The following CCER2 variants were observed in gnomAD, a reference collection of about 807,000 sequenced individuals.
CCER2 encodes the protein coiled-coil domain-containing glutamate-rich protein 2.
CCER2 carries 20 observed loss-of-function variants against 27.1 expected under a neutral mutation model. The observed-to-expected ratio is 0.74, with a 90% confidence interval of 0.52 to 1.07. CCER2 has a LOEUF of 1.07. CCER2 is among the 50% of genes least tolerant of loss of function. CCER2 has a pLI of 0.00. For missense variants in CCER2, 351 were observed against 344.7 expected (o/e 1.02, Z -0.14); for synonymous variants, 140 against 144.3 (o/e 0.97, Z 0.21).
At position 38,909,028 on chromosome 19, in the gene CCER2, A is replaced by G; in HGVS notation, c.*208T>C. 2 of 971,310 alleles carry G rather than the reference A, an allele frequency of 2.1e-6. No individual in the cohort carries two copies. Among genetic ancestry groups the G allele is most frequent in the South Asian group, 1.7e-5 (1 of 58,712 alleles). The allele number at this position is 971,310 out of a possible 1,614,324, so 60.2% of individuals were successfully genotyped here. On this transcript the variant is annotated 3_prime_UTR_variant, in exon 5 of 5. Coordinates refer to ENST00000571838, the MANE Select transcript of CCER2 (RefSeq NM_001243212.2). Reference sequence around the variant, plus strand: ...CTCAGAAGGGTTGGAGTGGGAGTGCATAGGTGTGGGGGTGCTTCCTGTGTC... The same window carrying G: ...CTCAGAAGGGTTGGAGTGGGAGTGCGTAGGTGTGGGGGTGCTTCCTGTGTC...
At chr19:38,911,139 G>C (rs958633313) in intron 3 of CCER2, 56 bp from the exon 4 acceptor site, 7 of 1,391,358 alleles carry the variant, frequency 5.0e-6, no homozygotes, top group African/African-American at 1.4e-5. Context: ...CTGAGGCCGA[G>C]TATGGAGGCT....
chr19:38,911,901 C>T lies in CCER2; in HGVS notation c.62-49G>A, dbSNP rs1012000836. 5.2e-6 allele frequency: 8 copies of T among 1,531,860 alleles called. No homozygotes were observed. The South Asian group carries it at 7.2e-5, about 14-fold the overall frequency. The allele number at this position is 1,531,860 out of a possible 1,614,324, so 94.9% of individuals were successfully genotyped here. On this transcript the variant is annotated intron_variant, in intron 1 of 4. Transcript: ENST00000571838. ...GGGCTTTGCCGCCCTGGCTGCTGTC[C>T]CCGGTACCGACCCCAGCTCCATGGG...
At chr19:38,909,494 G>A (rs1974260742) in intron 4 of CCER2, among the ~76,000 whole-genome samples, 169 bp from the exon 5 acceptor site, 1 of 152,216 alleles carries the variant, frequency 6.6e-6, no homozygotes, top group Non-Finnish European at 1.5e-5. Context: ...CCGGAAGAGT[G>A]GTGCTGGCTA....
chr19:38,911,149 T>C, intron 3 of CCER2, 66 bp from the exon 4 acceptor site: 1 of 1,382,534 alleles, frequency 7.2e-7, no homozygotes, highest in Non-Finnish European at 9.4e-7. Flanking sequence ...GTATGGAGGC[T>C]CACGCCTGTA....
chr19:38,911,069 C>G lies in CCER2; in HGVS notation c.205G>C (p.Glu69Gln). 1 of 1,433,006 alleles carries G rather than the reference C, an allele frequency of 7.0e-7. No homozygotes were observed. The highest frequency in any genetic ancestry group is 9.1e-7 in the Non-Finnish European group (1 of 1,098,544). The allele number at this position is 1,433,006 out of a possible 1,614,324, so 88.8% of individuals were successfully genotyped here. A position where few individuals can be genotyped will look rare whatever the true frequency, so the allele number is the denominator to read the frequency against. ...TCGGTGGACGCACAGCCGTGGGGCT[C>G]TGTCCCGCACAACTCTGGCAGAAAG... is the stretch of plus-strand genomic sequence containing the variant. Reference protein sequence around the residue: ...ALLHKELCGTEPHGCASTEEK... With the variant: ...ALLHKELCGTQPHGCASTEEK... Residue 69 changes from glutamate (E) to glutamine (Q), a missense_variant, in exon 4 of 5, where the codon GAG becomes CAG. By Grantham distance (29) the Glu-to-Gln change is conservative. Transcript: ENST00000571838.
Position 38,912,098 on chromosome 19 carries a change from C to G in CCER2, c.61G>C (p.Ala21Pro). Residue 21 changes from alanine (A) to proline (P), a missense_variant and splice_region_variant, in exon 1 of 5, where the codon GCC becomes CCC. By Grantham distance (27) the Ala-to-Pro change is conservative. Coordinates refer to ENST00000571838, the MANE Select transcript of CCER2 (RefSeq NM_001243212.2). ...CGCACTCGGCAGGTCCCGCACTCAC[C>G]CGCCCCCAGCAGGAGCAGCCGCAGC... ...LLLRLLLLGA[A>P]TAAPLAPRPS... 6.6e-7 allele frequency: 1 copy of G among 1,517,890 alleles called. No homozygotes were observed. The highest frequency in any genetic ancestry group is 8.8e-7 in the Non-Finnish European group (1 of 1,139,696). The allele number at this position is 1,517,890 out of a possible 1,614,324, so 94.0% of individuals were successfully genotyped here.
At chr19:38,912,016 G>C in intron 1 of CCER2, 82 bp downstream of exon 1, 2 of 1,489,984 alleles carry the variant, frequency 1.3e-6, no homozygotes, top group Non-Finnish European at 1.8e-6. Flanking sequence ...CTCTCCACTG[G>C]GTGCACTGCC....
At chr19:38,911,215 T>C (rs1364654393) in intron 3 of CCER2, 132 bp from the exon 4 acceptor site, 2 of 990,720 alleles carry the variant, frequency 2.0e-6, no homozygotes, top group Non-Finnish European at 2.8e-6. Flanking sequence ...GGAGTTTGAA[T>C]TGGGAAACTG....
intron 4 of CCER2, among the ~76,000 whole-genome samples, chr19:38,909,544 A>G (rs779608478): frequency 6.6e-5 from 10 of 152,094 alleles, no homozygotes; most frequent in Non-Finnish European, 8.8e-5. Flanking sequence ...GCACTGGCAA[A>G]GGTGCCTGGG....
At chr19:38,911,132 A>G (rs1179841248) in intron 3 of CCER2, 49 bp from the exon 4 acceptor site, 3 of 1,393,976 alleles carry the variant, frequency 2.2e-6, no homozygotes, top group African/African-American at 2.9e-5. Flanking sequence ...TGGGAAACTG[A>G]GGCCGAGTAT....
rs369436329 is a variant in CCER2 at position 38,910,579 on chromosome 19, T to G, written c.695A>C (p.Glu232Ala). The change falls in exon 4 of 5, where the codon GAG becomes GCG. Residue 232 changes from glutamate (E) to alanine (A), a missense_variant. Physicochemically the swap from Glu to Ala is moderately radical, Grantham distance 107. Coordinates refer to ENST00000571838, the MANE Select transcript of CCER2 (RefSeq NM_001243212.2). ...CCTACTCACCTCCCTCTCCGAAGCC[T>G]CCTCCTTCTCCTGCCTGGGCTCAGC... ...PEAEPRQEKEEASEREEKEVE... is the reference protein window; with the variant it reads ...PEAEPRQEKEAASEREEKEVE... 1,272 of 1,488,614 alleles carry G rather than the reference T, an allele frequency of 8.5e-4. 6 individuals are homozygous for G. The East Asian group carries it at 0.013, about 16-fold the overall frequency. 92.2% of individuals were successfully genotyped at this position (1,488,614 alleles called of 1,614,324 possible).
rs1227595944 is a variant in CCER2 at position 38,912,089 on chromosome 19, C to T, written c.61+9G>A. On this transcript the variant is annotated intron_variant, in intron 1 of 4. Coordinates refer to ENST00000571838, the MANE Select transcript of CCER2 (RefSeq NM_001243212.2). ...GGCAGGTCCCGCACTCGGCAGGTCC[C>T]GCACTCACCCGCCCCCAGCAGGAGC... 20 of 1,521,704 alleles carry T rather than the reference C, an allele frequency of 1.3e-5. No homozygotes were observed. Among genetic ancestry groups the T allele is most frequent in the East Asian group, 7.3e-5 (3 of 40,852 alleles). 94.3% of individuals were successfully genotyped at this position (1,521,704 alleles called of 1,614,324 possible). A position where few individuals can be genotyped will look rare whatever the true frequency, so the allele number is the denominator to read the frequency against.
chr19:38,911,108 T>G, intron 3 of CCER2, 25 bp from the exon 4 acceptor site: 6 of 1,407,858 alleles, frequency 4.3e-6, no homozygotes, highest in Non-Finnish European at 5.5e-6. Context: ...AAGGACACTC[T>G]CTAAGCATCC....
Position 38,910,611 on chromosome 19 carries a change from C to CTGGTGG in CCER2, c.657_662dup (p.His219_His220dup), listed in dbSNP as rs144792695. ...TCTCCTGCCTGGGCTCAGCCTCTGG[C>CTGGTGG]TGGTGGTGGTGGTGGTGGTGGTGGG... On this transcript the variant is annotated inframe_insertion, in exon 4 of 5. Transcript: ENST00000571838. 2.6e-5 allele frequency: 40 copies of CTGGTGG among 1,518,128 alleles called. No individual in the cohort carries two copies. Among genetic ancestry groups the CTGGTGG allele is most frequent in the Non-Finnish European group, 3.1e-5 (35 of 1,136,726 alleles). 94.0% of individuals were successfully genotyped at this position (1,518,128 alleles called of 1,614,324 possible).
Position 38,911,666 on chromosome 19 carries a change from G to A in CCER2, c.103-13C>T, listed in dbSNP as rs1255173158. Reference sequence around the variant, plus strand: ...GACAGCGGGTCAGCTGGGGGGCAGGGGTGCCGGGTCAGAGGGGAGGTTGAG... The same window carrying A: ...GACAGCGGGTCAGCTGGGGGGCAGGAGTGCCGGGTCAGAGGGGAGGTTGAG... On this transcript the variant is annotated splice_polypyrimidine_tract_variant and intron_variant, in intron 2 of 4. Transcript: ENST00000571838. 2 of 1,535,478 alleles carry A rather than the reference G, an allele frequency of 1.3e-6. No homozygotes were observed. The highest frequency in any genetic ancestry group is 2.4e-5 in the East Asian group (1 of 40,920).
rs571135249 is a variant in CCER2, at chr19:38,912,099, C to T, written c.60G>A (p.Ala20=). 38 of 1,517,750 alleles carry T rather than the reference C, an allele frequency of 2.5e-5. No individual in the cohort carries two copies. In the East Asian group the frequency reaches 3.2e-4, roughly 13 times the overall value. The allele number at this position is 1,517,750 out of a possible 1,614,324, so 94.0% of individuals were successfully genotyped here. Residue 20 remains alanine (A), a splice_region_variant and synonymous_variant, in exon 1 of 5, where the codon GCG becomes GCA. Transcript: ENST00000571838. ...LLLLRLLLLG[A]ATAAPLAPRP... ...GCACTCGGCAGGTCCCGCACTCACCCGCCCCCAGCAGGAGCAGCCGCAGCA... is the reference window on the plus strand; with the variant it reads ...GCACTCGGCAGGTCCCGCACTCACCTGCCCCCAGCAGGAGCAGCCGCAGCA...
rs74890558 is a variant in CCER2, at chr19:38,910,980, C to G, written c.294G>C (p.Gln98His). ...KQEAGKMRSS[Q>H]EVRDEEEEEV... The stretch of plus-strand genomic sequence containing the variant: ...CCTCCTCTTCCTCATCCCTCACCTC[C>G]TGGCTGGACCTCATCTTCCCAGCCT... Residue 98 changes from glutamine to histidine, a missense_variant, in exon 4 of 5, where the codon CAG becomes CAC. Transcript: ENST00000571838. The G allele has an allele frequency of 1.3e-6, 2 of 1,512,932 alleles. No homozygotes were observed. The highest frequency in any genetic ancestry group is 4.9e-5 in the East Asian group (2 of 40,836). 93.7% of individuals were successfully genotyped at this position (1,512,932 alleles called of 1,614,324 possible).
In CCER2 at chr19:38,912,100, G is replaced by A. The variant is rs1016918327; in HGVS notation, c.59C>T (p.Ala20Val). 2.0e-5 allele frequency: 31 copies of A among 1,516,304 alleles called. No individual in the cohort carries two copies. The highest frequency in any genetic ancestry group is 8.3e-5 in the African/African-American group (6 of 72,182). The allele number at this position is 1,516,304 out of a possible 1,614,324, so 93.9% of individuals were successfully genotyped here. The stretch of plus-strand genomic sequence containing the variant: ...CACTCGGCAGGTCCCGCACTCACCC[G>A]CCCCCAGCAGGAGCAGCCGCAGCAG... ...LLLLRLLLLG[A>V]ATAAPLAPRP... The change falls in exon 1 of 5, where the codon GCG (alanine) becomes GTG (valine). Residue 20 changes from alanine to valine, a missense_variant and splice_region_variant. Physicochemically the swap from Ala to Val is moderately conservative, Grantham distance 64. Transcript: ENST00000571838.
In CCER2 at chr19:38,910,877, C is replaced by A. The variant is rs1272581308; in HGVS notation, c.397G>T (p.Glu133Ter). The change falls in exon 4 of 5, where the codon GAG (glutamate) becomes TAG (stop). Residue 133 changes from glutamate (E) to a stop codon, truncating the protein, a stop_gained. Transcript: ENST00000571838. LOFTEE classifies it high-confidence loss of function. Reference sequence around the variant, plus strand: ...TCCTTCTCCTCCTCCTCGTCCTCCTCCTGGTGGAGCTGGCGATGCCCTTGC... The same window carrying A: ...TCCTTCTCCTCCTCCTCGTCCTCCTACTGGTGGAGCTGGCGATGCCCTTGC... ...RMQGHRQLHQ[E>*]EDEEEEKEER... 1.3e-6 allele frequency: 2 copies of A among 1,519,382 alleles called. No individual in the cohort carries two copies. The highest frequency in any genetic ancestry group is 1.8e-6 in the Non-Finnish European group (2 of 1,138,498). The allele number at this position is 1,519,382 out of a possible 1,614,324, so 94.1% of individuals were successfully genotyped here.
Sources: gnomAD v4.1 joint callset for allele counts (sites outside exome capture counted in the v4.1 genomes callset) on GRCh38, gnomAD v4.1.1 for gene constraint, MANE v1.5 for transcripts, NCBI Gene and HGNC (gene_info 2026-07-23, HGNC 2026-07-21) for gene names.